The following CERS6 variants were observed in gnomAD, a reference collection of about 807,000 sequenced individuals.
CERS6 encodes the protein ceramide synthase 6, also known as LAG1 homolog, ceramide synthase 6.
In CERS6, 26 loss-of-function variants were observed where a neutral mutation model predicts 56.8. That is an observed-to-expected ratio of 0.46 (90% CI 0.34 to 0.63). CERS6 has a LOEUF of 0.63. Among genes scored for constraint, CERS6 ranks in the 30% least tolerant of loss-of-function variants. CERS6 has a pLI of 0.01. For synonymous variants in CERS6, 164 were observed against 173.3 expected (o/e 0.95, Z 0.42); for missense variants, 415 against 467.5 (o/e 0.89, Z 1.04).
chr2:168,526,781 G>T (rs149780134), intron 1 of CERS6, among the ~76,000 whole-genome samples: 1 of 152,192 alleles, frequency 6.6e-6, no homozygotes, highest in African/African-American at 2.4e-5. Flanking sequence ...GACAGCAGAA[G>T]GTTTTGAATG....
intron 4 of CERS6, among the ~76,000 whole-genome samples, chr2:168,667,325 A>G (rs1685787963): frequency 6.6e-6 from 1 of 152,166 alleles, no homozygotes; most frequent in African/African-American, 2.4e-5. Context: ...TTTATAGGTA[A>G]AGTGGCCATT....
At chr2:168,759,740 A>G (rs1415060005) in intron 8 of CERS6, among the ~76,000 whole-genome samples, 1 of 152,152 alleles carries the variant, frequency 6.6e-6, no homozygotes, top group African/African-American at 2.4e-5. Flanking sequence ...TGGGGGATAA[A>G]CACATTTATG....
intron 3 of CERS6, among the ~76,000 whole-genome samples, chr2:168,602,215 C>A (rs1315657213): frequency 6.6e-6 from 1 of 151,984 alleles, no homozygotes; most frequent in African/African-American, 2.4e-5. Context: ...AATTGATTTT[C>A]AGTATTTTTT....
At chr2:168,576,614 A>G (rs1432213520) in intron 3 of CERS6, among the ~76,000 whole-genome samples, 3 of 152,200 alleles carry the variant, frequency 2.0e-5, no homozygotes, top group Non-Finnish European at 2.9e-5. Flanking sequence ...CTTATAGAGA[A>G]GTTTGAAGAA....
At chr2:168,698,661 C>A (rs531886049) in intron 6 of CERS6, among the ~76,000 whole-genome samples, 1 of 152,278 alleles carries the variant, frequency 6.6e-6, no homozygotes, top group African/African-American at 2.4e-5. Context: ...AGATCCAAAC[C>A]ATATCAATTG....
chr2:168,573,987 T>C lies in CERS6; in HGVS notation c.407+12665T>C, dbSNP rs1422018107. Among the ~76,000 whole-genome samples the C allele has an allele frequency of 3.9e-5, 6 of 152,314 alleles. No individual in the cohort carries two copies. The East Asian group carries it at 9.6e-4, about 24-fold the overall frequency. Reference sequence around the variant, plus strand: ...GCACTAGTTGATAGGTCCAAACAGATCTCCAGAAGTAGCCAAATGCAGAAT... The same window carrying C: ...GCACTAGTTGATAGGTCCAAACAGACCTCCAGAAGTAGCCAAATGCAGAAT... On this transcript the variant is annotated intron_variant, in intron 3 of 9. Transcript: ENST00000305747.
intron 1 of CERS6, among the ~76,000 whole-genome samples, chr2:168,475,890 A>G (rs531200751): frequency 1.6e-4 from 25 of 152,272 alleles, no homozygotes; most frequent in African/African-American, 5.3e-4. Flanking sequence ...AGAATCAGAC[A>G]TTTGTTAATG....
At chr2:168,680,056 G>T (rs998941587) in intron 4 of CERS6, among the ~76,000 whole-genome samples, 11 of 152,338 alleles carry the variant, frequency 7.2e-5, no homozygotes, top group Non-Finnish European at 1.2e-4. Context: ...CTGGAGTTCT[G>T]TGGAGAGAAA....
In CERS6 at chr2:168,620,011, C is replaced by CCACACACA. The variant is rs1491366442; in HGVS notation, c.408-10972_408-10971insCACACACA. 6.3e-3 allele frequency among the ~76,000 whole-genome samples: 235 copies of CCACACACA among 37,238 alleles called. 9 individuals carry two copies. Among genetic ancestry groups the CCACACACA allele is most frequent in the Admixed American group, 0.024 (84 of 3,568 alleles). 24.4% of individuals were successfully genotyped at this position (37,238 alleles called of 152,430 possible). On this transcript the variant is annotated intron_variant, in intron 3 of 9. Transcript: ENST00000305747. The stretch of plus-strand genomic sequence containing the variant: ...TGGGCATTTGGGCTGGTTCCACAAT[C>CCACACACA]CATACACACACACACACACACACAC...
intron 3 of CERS6, among the ~76,000 whole-genome samples, chr2:168,585,661 T>A (rs1472938383): frequency 6.6e-6 from 1 of 152,220 alleles, no homozygotes; most frequent in Non-Finnish European, 1.5e-5. Flanking sequence ...TTGTTATGAT[T>A]ACATTCTGAC....
intron 5 of CERS6, among the ~76,000 whole-genome samples, chr2:168,693,875 T>C (rs1347723013): frequency 2.0e-5 from 3 of 152,176 alleles, no homozygotes; most frequent in Non-Finnish European, 4.4e-5. Context: ...GGATTGCTGG[T>C]TCTAGTATCC....
At chr2:168,672,970 A>C (rs941477402) in intron 4 of CERS6, among the ~76,000 whole-genome samples, 1 of 152,228 alleles carries the variant, frequency 6.6e-6, no homozygotes, top group South Asian at 2.1e-4. Flanking sequence ...TAATTTCTCT[A>C]TCCTAAATCA....
rs1176444936 is a variant in CERS6 at position 168,701,863 on chromosome 2, AAAAAT to A, written c.609+6823_609+6827del. Among the ~76,000 whole-genome samples the A allele has an allele frequency of 1.3e-5, 2 of 152,132 alleles. 1 individual carries two copies. The highest frequency in any genetic ancestry group is 4.1e-4 in the South Asian group (2 of 4,832). On this transcript the variant is annotated intron_variant, in intron 6 of 9. Coordinates refer to ENST00000305747, the MANE Select transcript of CERS6 (RefSeq NM_203463.3). The stretch of plus-strand genomic sequence containing the variant: ...GCTAAAAAATAAAATAAAAATAATT[AAAAAT>A]AAAATAAAATTGTATATTTTTGTAC...
intron 3 of CERS6, among the ~76,000 whole-genome samples, chr2:168,586,922 A>G (rs1273706306): frequency 6.6e-6 from 1 of 152,254 alleles, no homozygotes. Flanking sequence ...GGTAATTCCA[A>G]CACTTTGGGA....
At chr2:168,508,865 ATAAAT>A (rs1298589671) in intron 1 of CERS6, among the ~76,000 whole-genome samples, 2 of 152,348 alleles carry the variant, frequency 1.3e-5, no homozygotes, top group South Asian at 2.1e-4. Context: ...TATAATAAAA[ATAAAT>A]TAAATTTTAA....
At chr2:168,521,334 C>G (rs58945613) in intron 1 of CERS6, among the ~76,000 whole-genome samples, 1,921 of 152,250 alleles carry the variant, frequency 0.013, 36 homozygotes, top group African/African-American at 0.043. Flanking sequence ...ATTGATTTGA[C>G]TTTTCAAATT....
intron 3 of CERS6, among the ~76,000 whole-genome samples, chr2:168,613,588 G>A (rs946689784): frequency 2.0e-5 from 3 of 152,130 alleles, no homozygotes; most frequent in Non-Finnish European, 2.9e-5. Context: ...AGAACTTAAC[G>A]GTCTGATTGT....
intron 2 of CERS6, among the ~76,000 whole-genome samples, chr2:168,555,682 AC>A (rs766559519): frequency 1.3e-5 from 2 of 151,286 alleles, no homozygotes; most frequent in Non-Finnish European, 2.9e-5. Context: ...TAATAGAAAA[AC>A]TTGACTAAAA....
At chr2:168,659,177 T>G (rs955208846) in intron 4 of CERS6, among the ~76,000 whole-genome samples, 6 of 152,364 alleles carry the variant, frequency 3.9e-5, no homozygotes, top group African/African-American at 1.4e-4. Flanking sequence ...CACGCTTGGT[T>G]TGTTATTACG....
Sources: gnomAD v4.1 joint callset for allele counts (sites outside exome capture counted in the v4.1 genomes callset) on GRCh38, gnomAD v4.1.1 for gene constraint, MANE v1.5 for transcripts, NCBI Gene and HGNC (gene_info 2026-07-23, HGNC 2026-07-21) for gene names.